Variants in AUTS2 observed in about 807,000 individuals in gnomAD.
The protein encoded by AUTS2 is activator of transcription and developmental regulator AUTS2.
Under a neutral mutation model 112.4 loss-of-function variants are expected in AUTS2, and 17 were observed. That is an observed-to-expected ratio of 0.15 (90% CI 0.10 to 0.23). The LOEUF is 0.23. Among genes scored for constraint, AUTS2 ranks in the 10% least tolerant of loss-of-function variants. The pLI is 1.00. For missense variants in AUTS2, 1,510 were observed against 1,701.6 expected (o/e 0.89, Z 1.98); for synonymous variants, 751 against 702.7 (o/e 1.07, Z -1.09).
intron 1 of AUTS2, among the ~76,000 whole-genome samples, chr7:69,609,661 A>G (rs1792921522): frequency 6.6e-6 from 1 of 152,220 alleles, no homozygotes; most frequent in African/African-American, 2.4e-5. Context: ...TAACATTGGT[A>G]GCAGGATGTA....
chr7:69,977,654 G>C (rs1012615126), intron 2 of AUTS2, among the ~76,000 whole-genome samples: 9 of 152,092 alleles, frequency 5.9e-5, no homozygotes, highest in African/African-American at 1.9e-4. Flanking sequence ...AGCAGTGTTG[G>C]AAGTCTGGAC....
chr7:70,419,905 T>A (rs1482736418), intron 4 of AUTS2, among the ~76,000 whole-genome samples: 2 of 152,224 alleles, frequency 1.3e-5, no homozygotes, highest in African/African-American at 4.8e-5. Context: ...CATTTATATT[T>A]CCTCTTCCGT....
chr7:70,353,108 T>C (rs1423828382), intron 4 of AUTS2, among the ~76,000 whole-genome samples: 1 of 152,232 alleles, frequency 6.6e-6, no homozygotes, highest in African/African-American at 2.4e-5. Context: ...TTTTCAAAAC[T>C]GCTCAATATT....
chr7:69,679,872 G>C (rs1796716095), intron 1 of AUTS2, among the ~76,000 whole-genome samples: 1 of 152,096 alleles, frequency 6.6e-6, no homozygotes, highest in African/African-American at 2.4e-5. Context: ...GTTGAATTTA[G>C]ACATTTGAGA....
intron 4 of AUTS2, among the ~76,000 whole-genome samples, chr7:70,264,869 G>A (rs964952728): frequency 2.6e-5 from 4 of 152,200 alleles, no homozygotes; most frequent in Non-Finnish European, 5.9e-5. Context: ...TAGAAAAAGT[G>A]TAAAGGATGG....
chr7:69,622,346 T>C (rs1307487795), intron 1 of AUTS2, among the ~76,000 whole-genome samples: 1 of 152,220 alleles, frequency 6.6e-6, no homozygotes, highest in Non-Finnish European at 1.5e-5. Flanking sequence ...AATATGGTTA[T>C]ATCTAAAACG....
intron 3 of AUTS2, among the ~76,000 whole-genome samples, chr7:70,122,452 T>C (rs981195033): frequency 6.6e-6 from 1 of 152,206 alleles, no homozygotes; most frequent in Non-Finnish European, 1.5e-5. Flanking sequence ...TTGTGTCACC[T>C]GTGCCATTTC....
chr7:70,386,833 T>C (rs923663677), intron 4 of AUTS2, among the ~76,000 whole-genome samples: 9 of 152,162 alleles, frequency 5.9e-5, no homozygotes, highest in Non-Finnish European at 1.3e-4. Context: ...AATTCAAACA[T>C]CATTATCAAG....
intron 4 of AUTS2, among the ~76,000 whole-genome samples, chr7:70,362,947 T>G (rs1792342499): frequency 2.0e-5 from 3 of 152,164 alleles, no homozygotes; most frequent in Non-Finnish European, 2.9e-5. Flanking sequence ...TAAAGAAAGA[T>G]AAATTATCTC....
intron 5 of AUTS2, among the ~76,000 whole-genome samples, chr7:70,643,438 G>A (rs1805963765): frequency 6.6e-6 from 1 of 152,186 alleles, no homozygotes; most frequent in Non-Finnish European, 1.5e-5. Flanking sequence ...GGGCATGGTG[G>A]TGCGTGCCTG....
At chr7:69,899,070 C>G (rs574517829) in intron 1 of AUTS2, among the ~76,000 whole-genome samples, 14 of 152,168 alleles carry the variant, frequency 9.2e-5, no homozygotes, top group East Asian at 7.7e-4. Context: ...GTTTTCTGCC[C>G]AGTAATAATA....
intron 1 of AUTS2, among the ~76,000 whole-genome samples, chr7:69,625,700 A>G (rs1793912131): frequency 6.6e-6 from 1 of 152,090 alleles, no homozygotes; most frequent in Admixed American, 6.6e-5. Context: ...TCTATAAAAA[A>G]TTTAAAAATT....
intron 5 of AUTS2, among the ~76,000 whole-genome samples, chr7:70,689,746 A>T (rs1585511558): frequency 7.0e-6 from 1 of 142,420 alleles, no homozygotes; most frequent in Non-Finnish European, 1.5e-5. Flanking sequence ...ACTGCACTCC[A>T]GCCTAGGCGA....
intron 5 of AUTS2, among the ~76,000 whole-genome samples, chr7:70,573,121 A>G (rs1242893062): frequency 6.6e-6 from 1 of 152,190 alleles, no homozygotes; most frequent in Non-Finnish European, 1.5e-5. Flanking sequence ...AAAACACTCC[A>G]TCAAACTAGA....
At chr7:70,629,263 G>T (rs1805129297) in intron 5 of AUTS2, among the ~76,000 whole-genome samples, 1 of 152,192 alleles carries the variant, frequency 6.6e-6, no homozygotes, top group Non-Finnish European at 1.5e-5. Flanking sequence ...CTGAGCTCAA[G>T]AGTTTGAGAC....
chr7:70,229,728 G>A (rs551144088), intron 4 of AUTS2, among the ~76,000 whole-genome samples: 11 of 151,932 alleles, frequency 7.2e-5, no homozygotes, highest in African/African-American at 2.4e-4. Flanking sequence ...TGTGCTACAG[G>A]TCTGTTATGT....
intron 2 of AUTS2, among the ~76,000 whole-genome samples, chr7:69,927,450 A>G (rs945958085): frequency 6.6e-6 from 1 of 152,112 alleles, no homozygotes; most frequent in Admixed American, 6.5e-5. Context: ...TTAAAAAAAA[A>G]ATCTTGTATA....
At chr7:70,669,478 A>G (rs1196919477) in intron 5 of AUTS2, among the ~76,000 whole-genome samples, 1 of 152,244 alleles carries the variant, frequency 6.6e-6, no homozygotes, top group Non-Finnish European at 1.5e-5. Context: ...AGAGAATTTT[A>G]GAGCAGAAAG....
At chr7:69,894,595 T>A (rs759381227) in intron 1 of AUTS2, among the ~76,000 whole-genome samples, 5 of 152,156 alleles carry the variant, frequency 3.3e-5, no homozygotes, top group Non-Finnish European at 5.9e-5. Context: ...GATCTGTTGG[T>A]ACAAATTTTT....
Sources: gnomAD v4.1 joint callset for allele counts (sites outside exome capture counted in the v4.1 genomes callset) on GRCh38, gnomAD v4.1.1 for gene constraint, MANE v1.5 for transcripts, NCBI Gene and HGNC (gene_info 2026-07-23, HGNC 2026-07-21) for gene names.